The following KLHDC1 variants were observed in gnomAD, a reference collection of about 807,000 sequenced individuals.
KLHDC1 encodes kelch domain containing 1.
A neutral mutation model predicts 68.3 loss-of-function variants in KLHDC1; 53 were observed. The observed-to-expected ratio is 0.78, with a 90% CI of 0.62 to 0.98. KLHDC1 has a LOEUF of 0.98. Ranked by LOEUF, KLHDC1 falls within the 50% of genes least tolerant of loss-of-function variation. The probability of loss-of-function intolerance (pLI) is 0.00; values close to 1 mark genes in which losing one functional copy is unlikely to be tolerated. For missense variants in KLHDC1, 470 were observed against 492.3 expected (o/e 0.95, Z 0.43); for synonymous variants, 148 against 159.0 (o/e 0.93, Z 0.52).
intron 4 of KLHDC1, among the ~76,000 whole-genome samples, chr14:49,719,720 C>A (rs1448448248): frequency 2.0e-5 from 3 of 151,524 alleles, no homozygotes; most frequent in Non-Finnish European, 4.4e-5. Context: ...CGTGAGCCAG[C>A]GTGCCCAGCC....
intron 12 of KLHDC1, among the ~76,000 whole-genome samples, chr14:49,745,837 C>G (rs1180726849): frequency 6.6e-6 from 1 of 152,148 alleles, no homozygotes; most frequent in Non-Finnish European, 1.5e-5. Context: ...CTTTATCTCT[C>G]TTTTACAGTA....
In KLHDC1 at chr14:49,751,768, AT is replaced by A; in HGVS notation, c.1219del (p.Ter407LysfsTer9). On this transcript the variant is annotated frameshift_variant, in exon 13 of 13. Transcript: ENST00000359332. LOFTEE classifies it high-confidence loss of function. ...AATAAATATCAGTGGATCAGTAGCA[AT>A]TAAATTGTTATATACTTTACATATT... is the stretch of plus-strand genomic sequence containing the variant. Reference protein sequence around the residue: ...TENKYQWISSN With the variant: ...TENKYQWISSX 6.5e-7 allele frequency: 1 copy of A among 1,531,332 alleles called. No homozygotes were observed. The highest frequency in any genetic ancestry group is 8.9e-7 in the Non-Finnish European group (1 of 1,117,760). 94.9% of individuals were successfully genotyped at this position (1,531,332 alleles called of 1,614,324 possible). A position where few individuals can be genotyped will look rare whatever the true frequency, so the allele number is the denominator to read the frequency against.
At chr14:49,732,542 A>G (rs4898630) in intron 8 of KLHDC1, among the ~76,000 whole-genome samples, 162 bp from the exon 9 acceptor site, 14,551 of 152,210 alleles carry the variant, frequency 0.096, 919 homozygotes, top group Admixed American at 0.21. Context: ...TTTTAAATTC[A>G]TCTAAGAATT....
intron 4 of KLHDC1, among the ~76,000 whole-genome samples, chr14:49,712,820 A>G (rs965212994): frequency 2.0e-5 from 3 of 151,496 alleles, no homozygotes; most frequent in African/African-American, 4.9e-5. Flanking sequence ...TGTGTTGTTC[A>G]GTAGAGACAG....
At chr14:49,744,242 G>C (rs572290768) in intron 12 of KLHDC1, among the ~76,000 whole-genome samples, 18 of 152,054 alleles carry the variant, frequency 1.2e-4, no homozygotes, top group Non-Finnish European at 2.4e-4. Context: ...GTTGAGCTAT[G>C]ATCATGTTTC....
rs1293857020 is a variant in KLHDC1 at position 49,750,440 on chromosome 14, C to T, written c.1035-1146C>T. ...TAAGGTTGTCTTAGTTATTCTTCTC[C>T]TCTGATTCCCACAGAACCCTGTACC... On this transcript the variant is annotated intron_variant, in intron 12 of 12. Transcript: ENST00000359332. Among the ~76,000 whole-genome samples, 4 of 152,284 alleles carry T rather than the reference C, an allele frequency of 2.6e-5. No individual in the cohort carries two copies. The East Asian group carries it at 7.7e-4, about 29-fold the overall frequency.
At chr14:49,731,089 G>T (rs948079588) in intron 8 of KLHDC1, among the ~76,000 whole-genome samples, 2 of 152,210 alleles carry the variant, frequency 1.3e-5, no homozygotes, top group African/African-American at 4.8e-5. Flanking sequence ...TAACCAGCCT[G>T]ACTAACATGG....
At chr14:49,726,137 C>T (rs985147716) in intron 6 of KLHDC1, among the ~76,000 whole-genome samples, 1 of 152,206 alleles carries the variant, frequency 6.6e-6, no homozygotes, top group Non-Finnish European at 1.5e-5. Context: ...CATTATAGGT[C>T]ACCACACCTG....
intron 1 of KLHDC1, among the ~76,000 whole-genome samples, chr14:49,707,338 C>CT (rs1191432812): frequency 0.03 from 1,870 of 61,828 alleles, 276 homozygotes; most frequent in Non-Finnish European, 0.037. Context: ...ACAAGATATT[C>CT]TTTTTTTTTT....
At chr14:49,715,113 A>G (rs1330708911) in intron 4 of KLHDC1, among the ~76,000 whole-genome samples, 1 of 147,734 alleles carries the variant, frequency 6.8e-6, no homozygotes, top group East Asian at 2.0e-4. Flanking sequence ...ATATTCATAT[A>G]TATTTTACTT....
Position 49,752,353 on chromosome 14 carries a change from C to T in KLHDC1, c.*581C>T, listed in dbSNP as rs187184298. 6.6e-6 allele frequency: 1 copy of T among 152,606 alleles called. No individual in the cohort carries two copies. Among genetic ancestry groups the T allele is most frequent in the East Asian group, 1.9e-4 (1 of 5,184 alleles). The allele number at this position is 152,606 out of a possible 1,614,324, so 9.5% of individuals were successfully genotyped here. On this transcript the variant is annotated 3_prime_UTR_variant, in exon 13 of 13. Transcript: ENST00000359332. ...TAGGCATCATCATAACTTTTCCTCA[C>T]CTTTATTCGAATAGAGGAATAAATG...
intron 4 of KLHDC1, among the ~76,000 whole-genome samples, chr14:49,721,044 T>C (rs930421675): frequency 2.0e-5 from 3 of 152,210 alleles, no homozygotes; most frequent in Non-Finnish European, 2.9e-5. Context: ...CTTTCTGCTA[T>C]TAGTATCCTC....
chr14:49,750,049 G>C (rs1212134870), intron 12 of KLHDC1, among the ~76,000 whole-genome samples: 1 of 152,004 alleles, frequency 6.6e-6, no homozygotes, highest in African/African-American at 2.4e-5. Flanking sequence ...AACAGAGAAA[G>C]ACTCCATCTC....
chr14:49,731,458 T>A (rs926363977), intron 8 of KLHDC1, among the ~76,000 whole-genome samples: 2 of 152,062 alleles, frequency 1.3e-5, no homozygotes, highest in African/African-American at 4.8e-5. Flanking sequence ...TATGCTTTTT[T>A]ATTTTATTTT....
intron 8 of KLHDC1, among the ~76,000 whole-genome samples, chr14:49,730,462 C>T (rs1006015784): frequency 4.0e-5 from 6 of 151,886 alleles, no homozygotes; most frequent in Admixed American, 2.0e-4. Context: ...CCTTGTGATC[C>T]GCCCACCTTG....
intron 1 of KLHDC1, chr14:49,700,030 CTTTTTT>C: frequency 4.5e-5 from 14 of 309,152 alleles, no homozygotes; most frequent in Middle Eastern, 1.2e-3. Context: ...TGCTGTGAAC[CTTTTTT>C]TTTTTTTTTT....
chr14:49,751,615 C>T lies in KLHDC1; in HGVS notation c.1064C>T (p.Ser355Phe). The T allele has an allele frequency of 6.4e-7, 1 of 1,569,000 alleles. No homozygotes were observed. The highest frequency in any genetic ancestry group is 8.7e-7 in the Non-Finnish European group (1 of 1,155,686). The change falls in exon 13 of 13, where the codon TCT (serine) becomes TTT (phenylalanine). Residue 355 changes from serine to phenylalanine, a missense_variant. Ser to Phe is a radical substitution (Grantham distance 155, BLOSUM62 -2). Transcript: ENST00000359332. ...RSCLDCIGKN[S>F]IMLESQISLL... is the part of the protein sequence containing the mutation. ...TGCCTTGACTGCATTGGTAAAAATT[C>T]TATCATGTTAGAAAGTCAGATATCT... is the stretch of plus-strand genomic sequence containing the variant.
At chr14:49,749,788 C>T (rs1297117509) in intron 12 of KLHDC1, among the ~76,000 whole-genome samples, 8 of 151,714 alleles carry the variant, frequency 5.3e-5, no homozygotes, top group African/African-American at 1.5e-4. Flanking sequence ...TCAGGCTGGG[C>T]GCAGTGAGGC....
At chr14:49,734,182 G>C (rs974844070) in intron 9 of KLHDC1, among the ~76,000 whole-genome samples, 1 of 152,022 alleles carries the variant, frequency 6.6e-6, no homozygotes, top group Non-Finnish European at 1.5e-5. Flanking sequence ...CTAAGATTTG[G>C]TCATATGGAT....
Sources: gnomAD v4.1 joint callset for allele counts (sites outside exome capture counted in the v4.1 genomes callset) on GRCh38, gnomAD v4.1.1 for gene constraint, MANE v1.5 for transcripts, NCBI Gene and HGNC (gene_info 2026-07-23, HGNC 2026-07-21) for gene names.